Variants in EFR3B observed in about 807,000 individuals in gnomAD.
EFR3B encodes protein EFR3 homolog B.
EFR3B carries 64 observed loss-of-function variants against 104.7 expected under a neutral mutation model. The observed-to-expected ratio is 0.61, with a 90% confidence interval of 0.50 to 0.75. The LOEUF (loss-of-function observed/expected upper bound fraction) is 0.75. Ranked by LOEUF, EFR3B falls within the 30% of genes least tolerant of loss-of-function variation. The pLI, the probability that EFR3B is intolerant of heterozygous loss-of-function variation, is 0.00. For synonymous variants in EFR3B, 385 were observed against 417.9 expected (o/e 0.92, Z 0.96); for missense variants, 750 against 1,078.5 (o/e 0.70, Z 4.27).
At position 25,137,222 on chromosome 2, in the gene EFR3B, A is replaced by G. The variant is rs1670539373; in HGVS notation, c.1561-119A>G. 5.1e-6 allele frequency: 6 copies of G among 1,175,412 alleles called. No individual in the cohort carries two copies. Among genetic ancestry groups the G allele is most frequent in the African/African-American group, 1.5e-5 (1 of 64,712 alleles). The allele number at this position is 1,175,412 out of a possible 1,614,324, so 72.8% of individuals were successfully genotyped here. A position where few individuals can be genotyped will look rare whatever the true frequency, so the allele number is the denominator to read the frequency against. ...CCGCTTTAAAGGCATCCCCTCCCCA[A>G]GGGAGGAGGGGGCACACAGCCATCC... is the stretch of plus-strand genomic sequence containing the variant. On this transcript the variant is annotated intron_variant, in intron 14 of 22. Coordinates refer to ENST00000403714, the MANE Select transcript of EFR3B (RefSeq NM_014971.2). This position sits in a 1 kb window ranked among gnomAD's most constrained non-coding sequence, Gnocchi z 4.7.
At chr2:25,084,150 G>A (rs1439916792) in intron 1 of EFR3B, among the ~76,000 whole-genome samples, 1 of 152,002 alleles carries the variant, frequency 6.6e-6, no homozygotes, top group East Asian at 1.9e-4. Context: ...TATAAAATGA[G>A]GATAAAAATA....
At chr2:25,067,717 G>A (rs1054088970) in intron 1 of EFR3B, among the ~76,000 whole-genome samples, 1 of 152,138 alleles carries the variant, frequency 6.6e-6, no homozygotes, top group African/African-American at 2.4e-5. Flanking sequence ...ATGTTTGAGA[G>A]CTGTCTGGGG....
At chr2:25,058,657 G>A (rs1668090023) in intron 1 of EFR3B, among the ~76,000 whole-genome samples, 2 of 152,006 alleles carry the variant, frequency 1.3e-5, no homozygotes, top group African/African-American at 4.8e-5. Context: ...TACTCAGGAG[G>A]GTGAGGCACA....
rs573665818 is a variant in EFR3B, at chr2:25,108,784, A to G, written c.363+4997A>G. Among the ~76,000 whole-genome samples, 53 of 148,076 alleles carry G rather than the reference A, an allele frequency of 3.6e-4. 1 individual carries two copies. The highest frequency in any genetic ancestry group is 1.0e-3 in the African/African-American group (42 of 41,204). ...GAGGCCGAGGTGGGTGGATCGCTTGAGGTCAGGAGTTCCAGACCAGCCTGG... is the reference window on the plus strand; with the variant it reads ...GAGGCCGAGGTGGGTGGATCGCTTGGGGTCAGGAGTTCCAGACCAGCCTGG... On this transcript the variant is annotated intron_variant, in intron 4 of 22. Coordinates refer to ENST00000403714, the MANE Select transcript of EFR3B (RefSeq NM_014971.2).
intron 13 of EFR3B, 53 bp downstream of exon 13, chr2:25,135,692 A>C (rs1670498547): frequency 1.3e-6 from 2 of 1,539,416 alleles, no homozygotes; most frequent in Admixed American, 3.9e-5. Flanking sequence ...AGGACTCTCC[A>C]TTAGGTCCTA....
At chr2:25,113,572 T>TCAGGA (rs1669781133) in intron 4 of EFR3B, among the ~76,000 whole-genome samples, 1 of 149,488 alleles carries the variant, frequency 6.7e-6, no homozygotes, top group Non-Finnish European at 1.5e-5. Flanking sequence ...GGAGGCTGAG[T>TCAGGA]CAGGAGAATG....
chr2:25,144,484 C>T (rs567372158), intron 18 of EFR3B, among the ~76,000 whole-genome samples: 1 of 152,028 alleles, frequency 6.6e-6, no homozygotes, highest in Admixed American at 6.6e-5. Context: ...GCAAAGATTG[C>T]AGTGAGCCAA....
intron 1 of EFR3B, among the ~76,000 whole-genome samples, chr2:25,086,229 C>T (rs571061093): frequency 4.6e-5 from 7 of 152,310 alleles, no homozygotes; most frequent in South Asian, 2.1e-4. Context: ...TAAACATCCA[C>T]GTGCAGGTTT....
chr2:25,085,849 G>A (rs1668937080), intron 1 of EFR3B, among the ~76,000 whole-genome samples: 1 of 150,502 alleles, frequency 6.6e-6, no homozygotes, highest in African/African-American at 2.5e-5. Flanking sequence ...AGTATGCCTG[G>A]CTTCATATAT....
intron 1 of EFR3B, among the ~76,000 whole-genome samples, chr2:25,050,599 T>A (rs927017861): frequency 1.3e-5 from 2 of 152,190 alleles, no homozygotes; most frequent in Non-Finnish European, 2.9e-5. Flanking sequence ...TAAAGAAGAT[T>A]TGAGGCATAT....
At chr2:25,057,552 C>T (rs1025117474) in intron 1 of EFR3B, among the ~76,000 whole-genome samples, 6 of 152,250 alleles carry the variant, frequency 3.9e-5, no homozygotes, top group East Asian at 1.9e-4. Context: ...GAGGCTGAGG[C>T]GGGTGGATCA....
At chr2:25,079,758 T>A (rs1285334382) in intron 1 of EFR3B, 1 of 551,392 alleles carries the variant, frequency 1.8e-6, no homozygotes, top group African/African-American at 1.9e-5. Context: ...TAGAATTAAA[T>A]GCAAACCAAA....
chr2:25,100,850 C>T (rs1026250421), intron 3 of EFR3B, among the ~76,000 whole-genome samples: 2 of 152,178 alleles, frequency 1.3e-5, no homozygotes, highest in Admixed American at 6.5e-5. Context: ...TTTGACATTA[C>T]AAGTAGAAGG....
At chr2:25,043,022 G>A (rs891495604) in intron 1 of EFR3B, among the ~76,000 whole-genome samples, 2 of 152,140 alleles carry the variant, frequency 1.3e-5, no homozygotes, top group Non-Finnish European at 2.9e-5. Context: ...GGCTCTGCTT[G>A]ATCATTTGCT....
At chr2:25,134,118 T>C (rs943458318) in intron 12 of EFR3B, among the ~76,000 whole-genome samples, 1 of 152,162 alleles carries the variant, frequency 6.6e-6, no homozygotes, top group Non-Finnish European at 1.5e-5. Flanking sequence ...CAACAGTAAT[T>C]GTCTAGAAAT....
chr2:25,133,140 C>G (rs1215802603), intron 11 of EFR3B, 126 bp downstream of exon 11: 5 of 980,192 alleles, frequency 5.1e-6, no homozygotes, highest in Non-Finnish European at 7.7e-6. Flanking sequence ...CCAAATCCCT[C>G]AGCAGCCTTT....
At chr2:25,072,716 C>A (rs1237225408) in intron 1 of EFR3B, among the ~76,000 whole-genome samples, 2 of 152,180 alleles carry the variant, frequency 1.3e-5, no homozygotes, top group African/African-American at 4.8e-5. Flanking sequence ...TCCTCCAGTA[C>A]CTCCTCTTCA....
At position 25,154,038 on chromosome 2, in the gene EFR3B, T is replaced by C; in HGVS notation, c.2349-197T>C. On this transcript the variant is annotated intron_variant, in intron 22 of 22. Coordinates refer to ENST00000403714, the MANE Select transcript of EFR3B (RefSeq NM_014971.2). The surrounding 1 kb of genome is among the most constrained non-coding windows in gnomAD (Gnocchi z 4.1). ...GCACTTTCTAAAGCAGCAGTGTCAC[T>C]GCGGAGCCTGCAGGGAAGCTTGACT... Among the ~76,000 whole-genome samples the C allele has an allele frequency of 6.6e-6, 1 of 152,198 alleles. No individual in the cohort carries two copies. The highest frequency in any genetic ancestry group is 1.9e-4 in the East Asian group (1 of 5,200).
In EFR3B at chr2:25,153,361, AAAAAG is replaced by A. The variant is rs541478323; in HGVS notation, c.2299-339_2299-335del. 5.3e-5 allele frequency among the ~76,000 whole-genome samples: 8 copies of A among 152,188 alleles called. No homozygotes were observed. In the South Asian group the frequency reaches 1.5e-3, roughly 28 times the overall value. On this transcript the variant is annotated intron_variant, in intron 21 of 22. Transcript: ENST00000403714. ...AGAGCAAGACTCCTTCTCAATTAAA[AAAAAG>A]AAAAGAAAAGAGCCGGCACTAGTGC...
Sources: allele counts gnomAD v4.1 joint callset (sites outside exome capture counted in the v4.1 genomes callset), GRCh38; gene constraint gnomAD v4.1.1; non-coding constraint Gnocchi (gnomAD v3.1); transcripts MANE v1.5; gene names NCBI Gene and HGNC (gene_info 2026-07-23, HGNC 2026-07-21).